SENP7: variants seen among roughly 807,000 people sequenced by gnomAD.
The protein encoded by SENP7 is SUMO specific peptidase 7, also known as sentrin-specific protease 7.
Under a neutral mutation model 141.2 loss-of-function variants are expected in SENP7, and 64 were observed. The observed-to-expected ratio is 0.45, with a 90% confidence interval of 0.37 to 0.56. SENP7 has a LOEUF of 0.56. SENP7 is among the 20% of genes least tolerant of loss of function. SENP7 has a pLI of 0.00. For synonymous variants in SENP7, 382 were observed against 426.4 expected (o/e 0.90, Z 1.28); for missense variants, 1,025 against 1,212.2 (o/e 0.85, Z 2.29).
chr3:101,454,782 C>T (rs1467298323), intron 4 of SENP7, among the ~76,000 whole-genome samples: 1 of 151,974 alleles, frequency 6.6e-6, no homozygotes. Context: ...TATGAAATGT[C>T]CAAAAAATCA....
chr3:101,396,936 TG>T (rs2060985078), intron 6 of SENP7, among the ~76,000 whole-genome samples: 1 of 152,192 alleles, frequency 6.6e-6, no homozygotes, highest in South Asian at 2.1e-4. Context: ...CTCCACCTCC[TG>T]GGTTCAAGCA....
At chr3:101,454,911 A>G (rs1298311674) in intron 4 of SENP7, among the ~76,000 whole-genome samples, 1 of 152,250 alleles carries the variant, frequency 6.6e-6, no homozygotes, top group Non-Finnish European at 1.5e-5. Context: ...AACCATCACC[A>G]GACTGTAGTG....
chr3:101,379,723 G>A (rs1051676374), intron 6 of SENP7, among the ~76,000 whole-genome samples: 11 of 152,144 alleles, frequency 7.2e-5, no homozygotes, highest in Non-Finnish European at 1.6e-4. Flanking sequence ...TGCACTGCTG[G>A]TGGCAATGTA....
At chr3:101,445,974 T>G (rs2062875126) in intron 4 of SENP7, among the ~76,000 whole-genome samples, 1 of 152,220 alleles carries the variant, frequency 6.6e-6, no homozygotes, top group East Asian at 1.9e-4. Flanking sequence ...GGTTTGGGTC[T>G]GTGTCCCCAC....
intron 2 of SENP7, among the ~76,000 whole-genome samples, chr3:101,499,916 G>A (rs931723540): frequency 9.2e-5 from 14 of 151,758 alleles, no homozygotes; most frequent in African/African-American, 2.2e-4. Context: ...TGATCCGCCC[G>A]CCTCAGCACA....
chr3:101,441,869 C>T (rs1033040564), intron 4 of SENP7, among the ~76,000 whole-genome samples: 3 of 152,094 alleles, frequency 2.0e-5, no homozygotes, highest in African/African-American at 4.8e-5. Context: ...TTCCTGCTGA[C>T]GAGTCTGAAA....
chr3:101,435,714 A>T (rs1297549532), intron 4 of SENP7, among the ~76,000 whole-genome samples: 1 of 152,016 alleles, frequency 6.6e-6, no homozygotes, highest in Non-Finnish European at 1.5e-5. Context: ...CCTAGGAATT[A>T]ACCAAAGAAG....
At chr3:101,416,152 G>A (rs114882669) in intron 5 of SENP7, among the ~76,000 whole-genome samples, 1 of 152,060 alleles carries the variant, frequency 6.6e-6, no homozygotes, top group African/African-American at 2.4e-5. Context: ...TGAGGAAAGA[G>A]GTCTGGACTA....
At chr3:101,486,741 G>GT (rs1443990413) in intron 3 of SENP7, among the ~76,000 whole-genome samples, 2 of 152,118 alleles carry the variant, frequency 1.3e-5, no homozygotes, top group Non-Finnish European at 2.9e-5. Flanking sequence ...AGCAACAAAA[G>GT]TATGATGAAT....
At position 101,447,144 on chromosome 3, in the gene SENP7, AAATG is replaced by A. The variant is rs1316030679; in HGVS notation, c.284+11807_284+11810del. On this transcript the variant is annotated intron_variant, in intron 4 of 23. Coordinates refer to ENST00000394095, the MANE Select transcript of SENP7 (RefSeq NM_020654.5). Reference sequence around the variant, plus strand: ...GCTAAAAAGTTGGAAATCCAAGAGTAAATGAATGAAGAGAACAATTCCAGGCCCA... The same window carrying A: ...GCTAAAAAGTTGGAAATCCAAGAGTAAATGAAGAGAACAATTCCAGGCCCA... Among the ~76,000 whole-genome samples, 13 of 152,328 alleles carry A rather than the reference AAATG, an allele frequency of 8.5e-5. No individual in the cohort carries two copies. In the South Asian group the frequency reaches 2.1e-3, roughly 24 times the overall value.
chr3:101,345,523 G>T (rs2059433987), intron 13 of SENP7, among the ~76,000 whole-genome samples: 1 of 152,106 alleles, frequency 6.6e-6, no homozygotes, highest in African/African-American at 2.4e-5. Flanking sequence ...TTGAGTTCTT[G>T]ATTTGATTCT....
At chr3:101,473,360 A>C in intron 3 of SENP7, among the ~76,000 whole-genome samples, 1 of 152,154 alleles carries the variant, frequency 6.6e-6, no homozygotes, top group Non-Finnish European at 1.5e-5. Context: ...AACACTTTAT[A>C]ACCATTCCTT....
At chr3:101,405,182 G>C (rs1436120470) in intron 5 of SENP7, among the ~76,000 whole-genome samples, 1 of 152,186 alleles carries the variant, frequency 6.6e-6, no homozygotes, top group African/African-American at 2.4e-5. Context: ...GAGTACACCA[G>C]CATGACCCAG....
At chr3:101,479,282 A>C (rs556694097) in intron 3 of SENP7, among the ~76,000 whole-genome samples, 1 of 152,326 alleles carries the variant, frequency 6.6e-6, no homozygotes, top group South Asian at 2.1e-4. Flanking sequence ...AGAAGACACG[A>C]TCTTATATTT....
chr3:101,510,986 T>G (rs2065834454), intron 1 of SENP7, among the ~76,000 whole-genome samples: 1 of 152,010 alleles, frequency 6.6e-6, no homozygotes, highest in African/African-American at 2.4e-5. Flanking sequence ...ATTCAGGAAA[T>G]TAAATATACG....
At position 101,330,379 on chromosome 3, in the gene SENP7, A is replaced by C. The variant is rs747543752; in HGVS notation, c.2706T>G (p.Asp902Glu). ...SQNDNKTIDN[D>E]LRTTSTLSLS... ...AAGACAGTGTCGAAGTAGTACGTAG[A>C]TCATTATCTAGTTAGAAATAATTAA... Residue 902 changes from aspartate to glutamate, a missense_variant, in exon 20 of 24, where the codon GAT (aspartate) becomes GAG (glutamate). Transcript: ENST00000394095. 6 of 1,604,458 alleles carry C rather than the reference A, an allele frequency of 3.7e-6. No individual in the cohort carries two copies. In the South Asian group the frequency reaches 4.4e-5, roughly 12 times the overall value.
intron 4 of SENP7, among the ~76,000 whole-genome samples, chr3:101,431,072 C>T (rs1478186277): frequency 6.6e-6 from 1 of 152,138 alleles, no homozygotes; most frequent in East Asian, 1.9e-4. Flanking sequence ...TGTTCTTTTA[C>T]ATTTGCTGAG....
chr3:101,472,315 T>C (rs1266616205), intron 3 of SENP7, among the ~76,000 whole-genome samples: 1 of 139,498 alleles, frequency 7.2e-6, no homozygotes, highest in Non-Finnish European at 1.5e-5. Flanking sequence ...TGGAATACTA[T>C]GCAGCCTTAA....
intron 6 of SENP7, among the ~76,000 whole-genome samples, chr3:101,379,642 T>C (rs915731440): frequency 1.3e-5 from 2 of 152,132 alleles, no homozygotes; most frequent in African/African-American, 4.8e-5. Context: ...CCACCTCACA[T>C]GCATTAGGAT....
Sources: allele counts gnomAD v4.1 joint callset (sites outside exome capture counted in the v4.1 genomes callset), GRCh38; gene constraint gnomAD v4.1.1; transcripts MANE v1.5; gene names NCBI Gene and HGNC (gene_info 2026-07-23, HGNC 2026-07-21).